Variants in LRRC9 observed in about 807,000 individuals in gnomAD.
LRRC9 encodes leucine rich repeat containing 9.
LRRC9 carries 122 observed loss-of-function variants against 63.2 expected under a neutral mutation model. The observed-to-expected ratio is 1.93, with a 90% CI of 1.67 to 2.24. The LOEUF (loss-of-function observed/expected upper bound fraction) is 2.24, where lower values mean the gene tolerates loss of function less well. Among genes scored for constraint, LRRC9 ranks in the 30% most tolerant of loss-of-function variants. LRRC9 has a pLI of 0.00. For missense variants in LRRC9, 1,071 were observed against 627.7 expected, an observed-to-expected ratio of 1.71 and a Z score of -7.55; for synonymous variants, 366 against 213.1, an observed-to-expected ratio of 1.72 and a Z score of -6.25.
At chr14:59,934,041 T>C (rs2139797559) in intron 6 of LRRC9, among the ~76,000 whole-genome samples, 1 of 152,230 alleles carries the variant, frequency 6.6e-6, no homozygotes, top group Middle Eastern at 3.4e-3. Flanking sequence ...TTAGTGTTTA[T>C]TGATTTGGAA....
At chr14:59,995,132 T>C (rs555289281) in intron 17 of LRRC9, among the ~76,000 whole-genome samples, 47 of 152,276 alleles carry the variant, frequency 3.1e-4, no homozygotes, top group African/African-American at 1.1e-3. Context: ...TCATAAGTCA[T>C]AGAAAATAAA....
chr14:59,972,247 G>C (rs1319381327), intron 12 of LRRC9, among the ~76,000 whole-genome samples: 1 of 152,074 alleles, frequency 6.6e-6, no homozygotes, highest in Non-Finnish European at 1.5e-5. Flanking sequence ...GGCTTTTCCT[G>C]AATTTTCAAA....
At chr14:59,959,841 C>G in exon 9 of LRRC9, 1 of 645,796 alleles carries the variant, frequency 1.5e-6, no homozygotes, top group Non-Finnish European at 2.8e-6. Context: ...TGGCTGAACT[C>G]AAGGGCTCGG....
chr14:59,928,902 T>C (rs1889443642), intron 3 of LRRC9, among the ~76,000 whole-genome samples: 1 of 152,034 alleles, frequency 6.6e-6, no homozygotes, highest in African/African-American at 2.4e-5. Flanking sequence ...ACCTCTTCCT[T>C]ATACCATATA....
At chr14:60,028,619 C>A (rs1180118875) in intron 28 of LRRC9, among the ~76,000 whole-genome samples, 1 of 152,164 alleles carries the variant, frequency 6.6e-6, no homozygotes, top group East Asian at 1.9e-4. Context: ...ACTGCCCCAA[C>A]TGAACTGCTC....
intron 20 of LRRC9, among the ~76,000 whole-genome samples, chr14:60,002,507 C>T (rs1889465399): frequency 6.6e-6 from 1 of 152,136 alleles, no homozygotes; most frequent in African/African-American, 2.4e-5. Context: ...TGAGATTATA[C>T]AGTTTTTAAT....
At position 60,031,903 on chromosome 14, in the gene LRRC9, A is replaced by C. The variant is rs895432143; in HGVS notation, c.3922-92A>C. On this transcript the variant is annotated intron_variant, in intron 28 of 31. Transcript: ENST00000445360. The surrounding 1 kb of genome is among the most constrained non-coding windows in gnomAD (Gnocchi z 4.6). ...GAATTCAATCATGAGCTAGCTGCAAACTAACACTTACATATAATTACTTCA... is the reference window on the plus strand; with the variant it reads ...GAATTCAATCATGAGCTAGCTGCAACCTAACACTTACATATAATTACTTCA... The C allele has an allele frequency of 1.1e-5, 7 of 640,848 alleles. No homozygotes were observed. The highest frequency in any genetic ancestry group is 1.8e-5 in the African/African-American group (1 of 54,684). The allele number at this position is 640,848 out of a possible 1,614,324, so 39.7% of individuals were successfully genotyped here.
intron 19 of LRRC9, among the ~76,000 whole-genome samples, chr14:59,999,839 T>C (rs1889174708): frequency 6.6e-6 from 1 of 152,018 alleles, no homozygotes; most frequent in African/African-American, 2.4e-5. Context: ...AATTTTTTAT[T>C]GATAAAAAAT....
chr14:59,944,747 A>C lies in LRRC9; in HGVS notation c.882+3A>C, dbSNP rs981428640. The stretch of plus-strand genomic sequence containing the variant: ...TATTCAGCTTTGTGAAGAAAACTGT[A>C]AGATTTAATAATGTAAAATCCCAGT... On this transcript the variant is annotated splice_donor_region_variant and intron_variant, in intron 8 of 31. Coordinates refer to ENST00000445360, the Ensembl canonical transcript of LRRC9. 4.1e-5 allele frequency: 27 copies of C among 658,840 alleles called. No homozygotes were observed. The highest frequency in any genetic ancestry group is 6.2e-5 in the Non-Finnish European group (23 of 370,804). The allele number at this position is 658,840 out of a possible 1,614,324, so 40.8% of individuals were successfully genotyped here.
At chr14:60,028,445 C>T (rs1353043598) in intron 28 of LRRC9, among the ~76,000 whole-genome samples, 1 of 151,984 alleles carries the variant, frequency 6.6e-6, no homozygotes, top group Non-Finnish European at 1.5e-5. Context: ...TCCTTTGGCC[C>T]CTTAAACTTG....
At chr14:59,944,065 G>A (rs1281552732) in intron 7 of LRRC9, among the ~76,000 whole-genome samples, 1 of 151,732 alleles carries the variant, frequency 6.6e-6, no homozygotes, top group Non-Finnish European at 1.5e-5. Context: ...TGTTATTAAG[G>A]AACGCAAGAT....
rs1415277210 is a variant in LRRC9 at position 60,042,604 on chromosome 14, C to T, written c.3991-10461C>T. ...GTTTGCTAAGACCATTGGAAAAGCA[C>T]AGTATTAGGCTGAGAGTGTCCCGAT... On this transcript the variant is annotated intron_variant, in intron 29 of 31. Coordinates refer to ENST00000445360, the Ensembl canonical transcript of LRRC9. This position sits in a 1 kb window ranked among gnomAD's most constrained non-coding sequence, Gnocchi z 4.2. Among the ~76,000 whole-genome samples, 1 of 152,194 alleles carries T rather than the reference C, an allele frequency of 6.6e-6. No homozygotes were observed. Among genetic ancestry groups the T allele is most frequent in the Non-Finnish European group, 1.5e-5 (1 of 68,034 alleles).
At chr14:59,995,048 C>A (rs1464679054) in intron 17 of LRRC9, among the ~76,000 whole-genome samples, 1 of 151,868 alleles carries the variant, frequency 6.6e-6, no homozygotes, top group Non-Finnish European at 1.5e-5. Context: ...TTACAGTGTT[C>A]ATCATTCCTG....
intron 14 of LRRC9, among the ~76,000 whole-genome samples, chr14:59,977,568 T>TG (rs1555375871): frequency 3.6e-4 from 52 of 144,514 alleles, no homozygotes; most frequent in Admixed American, 7.7e-4. Flanking sequence ...AATTATGTAT[T>TG]TGTGTGTGTG....
At position 59,942,759 on chromosome 14, in the gene LRRC9, C is replaced by T. The variant is rs955083180; in HGVS notation, c.727-1830C>T. Among the ~76,000 whole-genome samples, 1 of 151,894 alleles carries T rather than the reference C, an allele frequency of 6.6e-6. No homozygotes were observed. The highest frequency in any genetic ancestry group is 2.4e-5 in the African/African-American group (1 of 41,376). ...AAGAGTTCCCTTTGCTCTGCATCCT[C>T]GCCAGCATCTCTCTCTCTCTTTTTT... On this transcript the variant is annotated intron_variant, in intron 7 of 31. Coordinates refer to ENST00000445360, the Ensembl canonical transcript of LRRC9. The surrounding 1 kb of genome is among the most constrained non-coding windows in gnomAD (Gnocchi z 5.3).
chr14:59,987,791 T>C (rs539396568), intron 17 of LRRC9, among the ~76,000 whole-genome samples: 10 of 152,208 alleles, frequency 6.6e-5, no homozygotes, highest in Non-Finnish European at 1.0e-4. Context: ...GATATTCTTA[T>C]TCTATCATTA....
chr14:60,022,379 T>A (rs1321791397), intron 26 of LRRC9, among the ~76,000 whole-genome samples: 2 of 151,828 alleles, frequency 1.3e-5, no homozygotes, highest in African/African-American at 4.8e-5. Context: ...TTGCTTCAAG[T>A]AGTTTTTTGG....
chr14:59,971,192 T>TA (rs1885455250), intron 12 of LRRC9, among the ~76,000 whole-genome samples: 1 of 152,166 alleles, frequency 6.6e-6, no homozygotes, highest in Non-Finnish European at 1.5e-5. Context: ...GGGGTTCCTG[T>TA]CCCCATTGCT....
rs1328294880 is a variant in LRRC9 at position 60,027,742 on chromosome 14, A to G, written c.3704-142A>G. ...CTACCTTCCTGTAAATTACATTTCA[A>G]TTTCTCTTTGGAAATAAGTTTCTTG... On this transcript the variant is annotated intron_variant, in intron 27 of 31. Transcript: ENST00000445360. The surrounding 1 kb of genome is among the most constrained non-coding windows in gnomAD (Gnocchi z 4.0). 2 of 534,238 alleles carry G rather than the reference A, an allele frequency of 3.7e-6. No homozygotes were observed. The highest frequency in any genetic ancestry group is 3.3e-6 in the Non-Finnish European group (1 of 304,086). The allele number at this position is 534,238 out of a possible 1,614,324, so 33.1% of individuals were successfully genotyped here. A position where few individuals can be genotyped will look rare whatever the true frequency, so the allele number is the denominator to read the frequency against.
Sources: allele counts gnomAD v4.1 joint callset (sites outside exome capture counted in the v4.1 genomes callset), GRCh38; gene constraint gnomAD v4.1.1; non-coding constraint Gnocchi (gnomAD v3.1); transcripts MANE v1.5; gene names NCBI Gene and HGNC (gene_info 2026-07-23, HGNC 2026-07-21).